The following CPA6 variants were observed in gnomAD, a reference collection of about 807,000 sequenced individuals.
CPA6 encodes the protein carboxypeptidase B.
A neutral mutation model predicts 63.3 loss-of-function variants in CPA6; 58 were observed. That is an observed-to-expected ratio of 0.92 (90% confidence interval 0.74 to 1.14). CPA6 has a LOEUF of 1.14. Among genes scored for constraint, CPA6 ranks in the 50% most tolerant of loss-of-function variants. CPA6 has a pLI of 0.00. For synonymous variants in CPA6, 185 were observed against 179.0 expected, an observed-to-expected ratio of 1.03 and a Z score of -0.27; for missense variants, 565 against 526.6, an observed-to-expected ratio of 1.07 and a Z score of -0.71.
chr8:67,515,944 C>T (rs1163072858), intron 3 of CPA6, among the ~76,000 whole-genome samples: 1 of 152,198 alleles, frequency 6.6e-6, no homozygotes, highest in Non-Finnish European at 1.5e-5. Context: ...ACCTTAATAT[C>T]TTCCCTGATT....
At chr8:67,454,394 A>C (rs957070312) in intron 8 of CPA6, among the ~76,000 whole-genome samples, 5 of 152,208 alleles carry the variant, frequency 3.3e-5, no homozygotes, top group African/African-American at 4.8e-5. Flanking sequence ...AGTTATGTAG[A>C]TTCTGATGAG....
chr8:67,432,616 C>T (rs1445741308), intron 9 of CPA6, among the ~76,000 whole-genome samples: 1 of 152,114 alleles, frequency 6.6e-6, no homozygotes, highest in African/African-American at 2.4e-5. Flanking sequence ...TGTGCCACCA[C>T]CACACCTGGC....
chr8:67,506,921 A>G, intron 5 of CPA6, 33 bp from the exon 6 acceptor site: 2 of 1,431,604 alleles, frequency 1.4e-6, no homozygotes, highest in South Asian at 2.3e-5. Flanking sequence ...TAACCAACTC[A>G]GGCTTTTAGA....
At chr8:67,442,453 ATCT>A (rs888179492) in intron 8 of CPA6, among the ~76,000 whole-genome samples, 2 of 152,186 alleles carry the variant, frequency 1.3e-5, no homozygotes, top group African/African-American at 4.8e-5. Flanking sequence ...GTTCAGGAAA[ATCT>A]TCTTAGAGGA....
chr8:67,686,116 A>G (rs911892377), intron 1 of CPA6, among the ~76,000 whole-genome samples: 25 of 151,428 alleles, frequency 1.7e-4, no homozygotes, highest in Admixed American at 1.5e-3. Context: ...AAATAAATGA[A>G]TGACCAGAAC....
intron 8 of CPA6, among the ~76,000 whole-genome samples, chr8:67,453,813 T>A (rs961764626): frequency 6.6e-6 from 1 of 152,232 alleles, no homozygotes; most frequent in Admixed American, 6.5e-5. Flanking sequence ...ATTTCTCTAC[T>A]TGATTGGGTC....
chr8:67,708,448 A>C (rs1817185414), intron 1 of CPA6, among the ~76,000 whole-genome samples: 1 of 152,194 alleles, frequency 6.6e-6, no homozygotes, highest in African/African-American at 2.4e-5. Context: ...TAATGACCCT[A>C]CTTATTCCTT....
At chr8:67,434,315 G>T in intron 8 of CPA6, 75 bp from the exon 9 acceptor site, 1 of 1,168,986 alleles carries the variant, frequency 8.6e-7, no homozygotes, top group Non-Finnish European at 1.2e-6. Flanking sequence ...GCACTGTTAA[G>T]CTGTGATTTT....
chr8:67,609,292 G>T lies in CPA6; in HGVS notation c.192+14884C>A, dbSNP rs980553652. Among the ~76,000 whole-genome samples, 121 of 152,234 alleles carry T rather than the reference G, an allele frequency of 7.9e-4. 2 individuals are homozygous for T. The highest frequency in any genetic ancestry group is 5.8e-4 in the East Asian group (3 of 5,176). ...ATTGATGCCACCTTCCCACTTCATGGATCTCCTGTAGAGAACATTATTCAA... is the reference window on the plus strand; with the variant it reads ...ATTGATGCCACCTTCCCACTTCATGTATCTCCTGTAGAGAACATTATTCAA... On this transcript the variant is annotated intron_variant, in intron 2 of 10. Coordinates refer to ENST00000297770, the MANE Select transcript of CPA6 (RefSeq NM_020361.5).
intron 1 of CPA6, among the ~76,000 whole-genome samples, chr8:67,737,026 A>C (rs1242407332): frequency 1.3e-5 from 2 of 152,188 alleles, no homozygotes; most frequent in African/African-American, 4.8e-5. Flanking sequence ...TCTTGACACC[A>C]GTCTTCAGCC....
intron 8 of CPA6, among the ~76,000 whole-genome samples, chr8:67,444,875 A>G (rs946250902): frequency 6.6e-6 from 1 of 152,190 alleles, no homozygotes; most frequent in African/African-American, 2.4e-5. Context: ...GGACTCTGTC[A>G]TTCACACTAG....
At chr8:67,495,482 T>A (rs1811691100) in intron 6 of CPA6, among the ~76,000 whole-genome samples, 1 of 152,198 alleles carries the variant, frequency 6.6e-6, no homozygotes, top group Non-Finnish European at 1.5e-5. Context: ...GAATATCTGC[T>A]TTGAAATTTT....
chr8:67,690,060 G>C (rs1194083428), intron 1 of CPA6, among the ~76,000 whole-genome samples: 1 of 152,018 alleles, frequency 6.6e-6, no homozygotes, highest in African/African-American at 2.4e-5. Flanking sequence ...TTTGTTGGCT[G>C]CTTTTATGTC....
Position 67,511,607 on chromosome 8 carries a change from C to A in CPA6, c.366G>T (p.Leu122Phe), listed in dbSNP as rs1368323613. 6.2e-7 allele frequency: 1 copy of A among 1,612,632 alleles called. No individual in the cohort carries two copies. ...LQKTLEKGSSLHTQRNRRSLS... is the reference protein window; with the variant it reads ...LQKTLEKGSSFHTQRNRRSLS... ...GGGATCTTCGGTTTCTCTGGGTGTG[C>A]AAGCTGCTTCCCTTCTCCAGTGTTT... The change falls in exon 4 of 11, where the codon TTG becomes TTT. Residue 122 changes from leucine to phenylalanine, a missense_variant. Leu to Phe is a conservative substitution (Grantham distance 22, BLOSUM62 0). Transcript: ENST00000297770.
intron 2 of CPA6, among the ~76,000 whole-genome samples, chr8:67,596,878 T>C (rs1367917675): frequency 1.3e-5 from 2 of 152,214 alleles, no homozygotes; most frequent in Non-Finnish European, 2.9e-5. Flanking sequence ...TGGGTTTATC[T>C]GATATTTTCC....
chr8:67,475,767 CTCTTTCTTTCTT>C lies in CPA6; in HGVS notation c.838+7989_838+8000del, dbSNP rs71253008. Among the ~76,000 whole-genome samples, 600 of 71,608 alleles carry C rather than the reference CTCTTTCTTTCTT, an allele frequency of 8.4e-3. 24 individuals are homozygous for C. The highest frequency in any genetic ancestry group is 0.016 in the Admixed American group (97 of 6,140). 47.0% of individuals were successfully genotyped at this position (71,608 alleles called of 152,430 possible). ...TCCTTCTTTCTTTTTTTCTTTCTTT[CTCTTTCTTTCTT>C]TCTTTCTTTCTTTCTTTCTTTCTTT... is the stretch of plus-strand genomic sequence containing the variant. On this transcript the variant is annotated intron_variant, in intron 8 of 10. Coordinates refer to ENST00000297770, the MANE Select transcript of CPA6 (RefSeq NM_020361.5).
chr8:67,733,910 T>C (rs1303760915), intron 1 of CPA6, among the ~76,000 whole-genome samples: 1 of 137,976 alleles, frequency 7.2e-6, no homozygotes, highest in Non-Finnish European at 1.5e-5. Context: ...TGGCGCCCTC[T>C]GTCACACAGG....
intron 2 of CPA6, among the ~76,000 whole-genome samples, chr8:67,589,035 C>A (rs1209642973): frequency 6.6e-6 from 1 of 151,864 alleles, no homozygotes; most frequent in Admixed American, 6.6e-5. Flanking sequence ...GGAGGATCAC[C>A]TGAGCCCCGG....
chr8:67,708,371 T>C (rs1422594817), intron 1 of CPA6, among the ~76,000 whole-genome samples: 1 of 152,172 alleles, frequency 6.6e-6, no homozygotes, highest in Admixed American at 6.5e-5. Context: ...TCAAGAACAA[T>C]TGTATACCTT....
Sources: allele counts gnomAD v4.1 joint callset (sites outside exome capture counted in the v4.1 genomes callset), GRCh38; gene constraint gnomAD v4.1.1; transcripts MANE v1.5; gene names NCBI Gene and HGNC (gene_info 2026-07-23, HGNC 2026-07-21).